The following NAMPT variants were observed in gnomAD, a reference collection of about 807,000 sequenced individuals.
The protein encoded by NAMPT is NAmPRTase.
A neutral mutation model predicts 58.7 loss-of-function variants in NAMPT; 7 were observed. That is an observed-to-expected ratio of 0.12 (90% CI 0.07 to 0.22). The LOEUF (loss-of-function observed/expected upper bound fraction) is 0.22, where lower values mean the gene tolerates loss of function less well. NAMPT is among the 10% of genes least tolerant of loss of function. NAMPT has a pLI of 1.00. For synonymous variants in NAMPT, 145 were observed against 198.1 expected (o/e 0.73, Z 2.25); for missense variants, 271 against 567.9 (o/e 0.48, Z 5.31).
chr7:106,273,343 G>A (rs1364390757), intron 3 of NAMPT, among the ~76,000 whole-genome samples: 1 of 152,180 alleles, frequency 6.6e-6, no homozygotes, highest in Non-Finnish European at 1.5e-5. Context: ...AAAGCTAAGA[G>A]CTGTGCCTAA....
intron 1 of NAMPT, among the ~76,000 whole-genome samples, chr7:106,280,882 C>T (rs1446940732): frequency 7.3e-5 from 11 of 150,944 alleles, no homozygotes; most frequent in African/African-American, 2.7e-4. Context: ...TGGAGGTTGC[C>T]GTGAGCTGAG....
intron 3 of NAMPT, among the ~76,000 whole-genome samples, chr7:106,273,453 G>C (rs190039953): frequency 1.2e-4 from 18 of 152,312 alleles, no homozygotes; most frequent in Admixed American, 9.8e-4. Context: ...TTTAATACAA[G>C]CACTGGAGGC....
At chr7:106,258,443 G>A (rs1173051335) in intron 8 of NAMPT, among the ~76,000 whole-genome samples, 1 of 152,130 alleles carries the variant, frequency 6.6e-6, no homozygotes, top group African/African-American at 2.4e-5. Flanking sequence ...AAATGTCAGT[G>A]GTTTCTGAAT....
intron 1 of NAMPT, among the ~76,000 whole-genome samples, chr7:106,283,130 C>A (rs1007080427): frequency 1.3e-4 from 20 of 151,960 alleles, no homozygotes; most frequent in Non-Finnish European, 2.8e-4. Context: ...AATGAAAAAT[C>A]TAAGATGAAA....
At chr7:106,256,705 AG>A (rs1185770267) in intron 8 of NAMPT, among the ~76,000 whole-genome samples, 1 of 152,202 alleles carries the variant, frequency 6.6e-6, no homozygotes, top group African/African-American at 2.4e-5. Context: ...AAGTGTTCTG[AG>A]CACCTGTAGG....
chr7:106,273,755 G>A (rs114818059), intron 3 of NAMPT, among the ~76,000 whole-genome samples: 41 of 152,232 alleles, frequency 2.7e-4, no homozygotes, highest in African/African-American at 9.6e-4. Flanking sequence ...AGCAAGTACA[G>A]GTGATAGCTC....
At chr7:106,279,443 G>GTTGT (rs1217795127) in intron 1 of NAMPT, among the ~76,000 whole-genome samples, 1 of 152,132 alleles carries the variant, frequency 6.6e-6, no homozygotes, top group African/African-American at 2.4e-5. Context: ...ATATGTACAT[G>GTTGT]TTGTTTAATG....
At chr7:106,258,337 G>C (rs968528107) in intron 8 of NAMPT, among the ~76,000 whole-genome samples, 2 of 152,176 alleles carry the variant, frequency 1.3e-5, no homozygotes, top group African/African-American at 4.8e-5. Context: ...ACTATAATTT[G>C]GGTACTGACC....
chr7:106,268,339 G>C (rs1792468828), intron 6 of NAMPT, 125 bp downstream of exon 6: 4 of 801,904 alleles, frequency 5.0e-6, no homozygotes, highest in Non-Finnish European at 7.9e-6. Context: ...TACTGAATTT[G>C]TGTTGCTCAA....
At chr7:106,272,279 C>A in intron 4 of NAMPT, 1 of 307,288 alleles carries the variant, frequency 3.3e-6, no homozygotes, top group Non-Finnish European at 6.3e-6. Context: ...AGATGAAAGC[C>A]AACTAGGTTT....
At chr7:106,270,135 CCT>C (rs1792504133) in intron 4 of NAMPT, 1 of 214,966 alleles carries the variant, frequency 4.7e-6, no homozygotes, top group African/African-American at 2.4e-5. Context: ...CTTGATTTCC[CCT>C]TTTTTCTTGG....
chr7:106,259,715 C>T (rs138049149), intron 8 of NAMPT, among the ~76,000 whole-genome samples: 21 of 152,258 alleles, frequency 1.4e-4, no homozygotes, highest in African/African-American at 5.1e-4. Flanking sequence ...AGCCACCACA[C>T]CCGGCCAAGA....
chr7:106,261,427 A>G (rs1204259502), intron 8 of NAMPT, 161 bp downstream of exon 8: 16 of 567,546 alleles, frequency 2.8e-5, no homozygotes. Flanking sequence ...CTGTATTTTA[A>G]ACTACTATTA....
intron 2 of NAMPT, 179 bp downstream of exon 2, chr7:106,276,844 A>C (rs532137030): frequency 6.9e-6 from 2 of 289,104 alleles, no homozygotes; most frequent in Admixed American, 9.6e-5. Flanking sequence ...CTCGGTTTCC[A>C]AAAAAAAAAA....
At position 106,254,453 on chromosome 7, in the gene NAMPT, C is replaced by G; in HGVS notation, c.1141G>C (p.Gly381Arg). The G allele has an allele frequency of 6.2e-7, 1 of 1,613,774 alleles. No individual in the cohort carries two copies. The highest frequency in any genetic ancestry group is 1.1e-5 in the South Asian group (1 of 91,078). The change falls in exon 9 of 11, where the codon GGT becomes CGT. Residue 381 changes from glycine to arginine, a missense_variant. Gly to Arg is a moderately radical substitution (Grantham distance 125). This residue lies in a region of NAMPT where 143 missense variants were observed against 331.1 expected (regional missense o/e 0.43). Transcript: ENST00000222553. Reference protein sequence around the residue: ...KMWSIENIAFGSGGGLLQKLT... With the variant: ...KMWSIENIAFRSGGGLLQKLT... Reference sequence around the variant, plus strand: ...TTCTGTAGCAAACCTCCACCAGAACCGAAGGCAATATTTTCAATACTCCAC... The same window carrying G: ...TTCTGTAGCAAACCTCCACCAGAACGGAAGGCAATATTTTCAATACTCCAC...
At chr7:106,271,954 TATAC>T (rs1235273595) in intron 4 of NAMPT, 3 of 209,984 alleles carry the variant, frequency 1.4e-5, no homozygotes, top group African/African-American at 7.2e-5. Context: ...ACTACTTAGG[TATAC>T]ATACAAGAAA....
At chr7:106,261,817 C>G (rs1463260572) in intron 7 of NAMPT, 110 bp from the exon 8 acceptor site, 3 of 1,213,194 alleles carry the variant, frequency 2.5e-6, no homozygotes, top group Non-Finnish European at 3.5e-6. Context: ...TAAAAATTAA[C>G]TACTTTAAAA....
At position 106,250,195 on chromosome 7, in the gene NAMPT, T is replaced by G. The variant is rs1586007954; in HGVS notation, c.*888A>C. The G allele has an allele frequency of 6.6e-6, 1 of 152,558 alleles. No homozygotes were observed. Among genetic ancestry groups the G allele is most frequent in the East Asian group, 1.9e-4 (1 of 5,186 alleles). The allele number at this position is 152,558 out of a possible 1,614,324, so 9.5% of individuals were successfully genotyped here. On this transcript the variant is annotated 3_prime_UTR_variant, in exon 11 of 11. Transcript: ENST00000222553. ...AATAAATTCAGAAGTGTAATTACTTTAAAATACACTACTTCCACTTTTGTA... is the reference window on the plus strand; with the variant it reads ...AATAAATTCAGAAGTGTAATTACTTGAAAATACACTACTTCCACTTTTGTA...
In NAMPT at chr7:106,284,819, G is replaced by A. The variant is rs567189793; in HGVS notation, c.57+9C>T. 1.1e-5 allele frequency: 14 copies of A among 1,331,870 alleles called. No homozygotes were observed. Among genetic ancestry groups the A allele is most frequent in the African/African-American group, 1.6e-5 (1 of 64,344 alleles). The allele number at this position is 1,331,870 out of a possible 1,614,324, so 82.5% of individuals were successfully genotyped here. ...GCTCCTCCTCATCTGCCCGGGCCCC[G>A]AGCTTTACCTTGTAGGAGTCGGTGG... is the stretch of plus-strand genomic sequence containing the variant. On this transcript the variant is annotated intron_variant, in intron 1 of 10. Transcript: ENST00000222553.
Sources: gnomAD v4.1 joint callset for allele counts (sites outside exome capture counted in the v4.1 genomes callset) on GRCh38, gnomAD v4.1.1 for gene constraint, gnomAD v4.1.1 regional missense constraint, MANE v1.5 for transcripts, NCBI Gene and HGNC (gene_info 2026-07-23, HGNC 2026-07-21) for gene names.